Variants in GPR161 observed in about 807,000 individuals in gnomAD.
GPR161 encodes G protein-coupled receptor 161.
In GPR161, 25 loss-of-function variants were observed where a neutral mutation model predicts 39.2. The ratio of observed to expected loss-of-function variants is 0.64; its 90% confidence interval spans 0.47 to 0.89. The LOEUF (loss-of-function observed/expected upper bound fraction) is 0.89. Among genes scored for constraint, GPR161 ranks in the 40% least tolerant of loss-of-function variants. GPR161 has a pLI of 0.00. For missense variants in GPR161, 547 were observed against 677.8 expected (o/e 0.81, Z 2.14); for synonymous variants, 286 against 276.6 (o/e 1.03, Z -0.34).
intron 1 of GPR161, chr1:168,136,401 C>T: frequency 1.4e-6 from 2 of 1,401,282 alleles, no homozygotes; most frequent in Admixed American, 2.9e-5. Context: ...TCCCATCCAG[C>T]GGACTGTTTA....
At chr1:168,114,796 A>T (rs1401136159) in intron 1 of GPR161, among the ~76,000 whole-genome samples, 1 of 152,168 alleles carries the variant, frequency 6.6e-6, no homozygotes, top group African/African-American at 2.4e-5. Context: ...CCATTTGAAG[A>T]GTTTAACCTG....
At chr1:168,121,852 A>G (rs923317821) in intron 1 of GPR161, among the ~76,000 whole-genome samples, 3 of 152,328 alleles carry the variant, frequency 2.0e-5, no homozygotes, top group Non-Finnish European at 2.9e-5. Context: ...GGAAGCCTCC[A>G]CAGACACTGG....
chr1:168,137,301 T>G (rs890629823), upstream of GPR161: 10 of 1,529,474 alleles, frequency 6.5e-6, no homozygotes, highest in Admixed American at 2.0e-5. Flanking sequence ...ACACAGACAC[T>G]TTCAGATTCT....
At chr1:168,105,949 C>T (rs771040966) in intron 1 of GPR161, among the ~76,000 whole-genome samples, 6 of 152,186 alleles carry the variant, frequency 3.9e-5, no homozygotes, top group African/African-American at 7.2e-5. Context: ...CACACAGCAG[C>T]GGGGCCATCC....
chr1:168,134,767 G>T, intron 1 of GPR161: 1 of 685,484 alleles, frequency 1.5e-6, no homozygotes, highest in Non-Finnish European at 2.6e-6. Flanking sequence ...GAGCCCCACC[G>T]CACCTGCAGC....
At chr1:168,105,012 T>C in intron 1 of GPR161, 118 bp from the exon 2 acceptor site, 2 of 710,654 alleles carry the variant, frequency 2.8e-6, no homozygotes, top group Non-Finnish European at 4.6e-6. Flanking sequence ...ACCCAGCTAG[T>C]ACAGACTCTC....
In GPR161 at chr1:168,097,090, C is replaced by T. The variant is rs1486771914; in HGVS notation, c.517G>A (p.Glu173Lys). ...GCAGCCACACACATCCATTTGAACTCGTCAAACTCCACGGATGACCAACCA... is the reference window on the plus strand; with the variant it reads ...GCAGCCACACACATCCATTTGAACTTGTCAAACTCCACGGATGACCAACCA... ...LFGWSSVEFD[E>K]FKWMCVAAWH... The change falls in exon 3 of 6, where the codon GAG (glutamate) becomes AAG (lysine). Residue 173 changes from glutamate to lysine, a missense_variant. By Grantham distance (56) the Glu-to-Lys change is moderately conservative. Transcript: ENST00000682931. The T allele has an allele frequency of 2.5e-6, 4 of 1,614,022 alleles. No homozygotes were observed. Among genetic ancestry groups the T allele is most frequent in the Non-Finnish European group, 3.4e-6 (4 of 1,180,016 alleles).
intron 2 of GPR161, among the ~76,000 whole-genome samples, chr1:168,104,181 A>G (rs1696371646): frequency 6.6e-6 from 1 of 152,198 alleles, no homozygotes; most frequent in African/African-American, 2.4e-5. Flanking sequence ...CCGGAACTGA[A>G]ACCTGCCTTG....
intron 3 of GPR161, among the ~76,000 whole-genome samples, chr1:168,092,678 C>T (rs769176024): frequency 9.2e-5 from 14 of 152,148 alleles, no homozygotes; most frequent in Non-Finnish European, 1.8e-4. Flanking sequence ...GATAAATTTG[C>T]AGGTACTTTG....
At chr1:168,132,572 A>G (rs1699078201) in intron 1 of GPR161, among the ~76,000 whole-genome samples, 2 of 150,556 alleles carry the variant, frequency 1.3e-5, no homozygotes, top group Non-Finnish European at 3.0e-5. Context: ...TGGGTGACTG[A>G]GCAAGACTCC....
At chr1:168,095,017 A>G (rs1337488493) in intron 3 of GPR161, among the ~76,000 whole-genome samples, 2 of 152,254 alleles carry the variant, frequency 1.3e-5, no homozygotes, top group East Asian at 3.8e-4. Flanking sequence ...GATCAAGAGC[A>G]ACACAACTAG....
intron 1 of GPR161, among the ~76,000 whole-genome samples, chr1:168,121,000 A>G (rs1184098620): frequency 6.6e-6 from 1 of 152,212 alleles, no homozygotes; most frequent in East Asian, 1.9e-4. Flanking sequence ...TAATTTAAAA[A>G]TTTTGGAAAA....
chr1:168,134,724 C>T (rs2102274880), intron 1 of GPR161, among the ~76,000 whole-genome samples: 1 of 152,250 alleles, frequency 6.6e-6, no homozygotes, highest in Middle Eastern at 3.4e-3. Context: ...TTTACAGTTT[C>T]CCCCAAAACT....
chr1:168,091,616 C>T (rs1695075681), intron 3 of GPR161, among the ~76,000 whole-genome samples: 1 of 151,998 alleles, frequency 6.6e-6, no homozygotes, highest in African/African-American at 2.4e-5. Flanking sequence ...GCCCAAGGAT[C>T]ACTAGACATT....
chr1:168,100,402 G>A (rs960139032), intron 2 of GPR161, among the ~76,000 whole-genome samples: 9 of 152,012 alleles, frequency 5.9e-5, no homozygotes, highest in African/African-American at 1.4e-4. Context: ...AATAATACAG[G>A]CCAAAAGAGA....
intron 3 of GPR161, among the ~76,000 whole-genome samples, chr1:168,092,802 G>A (rs1162412600): frequency 6.6e-6 from 1 of 152,206 alleles, no homozygotes; most frequent in Non-Finnish European, 1.5e-5. Context: ...CCTTCTCAAG[G>A]AAGAACCTGG....
At chr1:168,115,798 C>T (rs1697576200) in intron 1 of GPR161, among the ~76,000 whole-genome samples, 4 of 150,896 alleles carry the variant, frequency 2.7e-5, no homozygotes, top group East Asian at 2.0e-4. Flanking sequence ...TTTTTTGAGA[C>T]GGAGTCTTGC....
intron 1 of GPR161, among the ~76,000 whole-genome samples, chr1:168,114,057 T>C (rs186298390): frequency 2.2e-4 from 33 of 152,350 alleles, no homozygotes; most frequent in Non-Finnish European, 4.0e-4. Flanking sequence ...CTGCTTTGCA[T>C]GGTAATATCC....
chr1:168,135,079 G>C, intron 1 of GPR161: 1 of 1,466,440 alleles, frequency 6.8e-7, no homozygotes, highest in Non-Finnish European at 9.1e-7. Context: ...TGCGGCCTTG[G>C]ATTAGTTCCA....
Sources: gnomAD v4.1 joint callset for allele counts (sites outside exome capture counted in the v4.1 genomes callset) on GRCh38, gnomAD v4.1.1 for gene constraint, MANE v1.5 for transcripts, NCBI Gene and HGNC (gene_info 2026-07-23, HGNC 2026-07-21) for gene names.